The following NBEAL1 variants were observed in gnomAD, a reference collection of about 807,000 sequenced individuals.
NBEAL1 encodes the protein neurobeachin-like protein 1.
A neutral mutation model predicts 351.3 loss-of-function variants in NBEAL1; 273 were observed. The observed-to-expected ratio is 0.78, with a 90% confidence interval of 0.70 to 0.86. The LOEUF (loss-of-function observed/expected upper bound fraction) is 0.86. NBEAL1 is among the 40% of genes least tolerant of loss of function. The pLI is 0.00. For missense variants in NBEAL1, 2,961 were observed against 3,201.3 expected (o/e 0.92, Z 1.81); for synonymous variants, 1,050 against 1,086.4 (o/e 0.97, Z 0.66).
intron 46 of NBEAL1, among the ~76,000 whole-genome samples, chr2:203,193,120 C>T (rs2065142357): frequency 6.6e-6 from 1 of 151,776 alleles, no homozygotes; most frequent in South Asian, 2.1e-4. Flanking sequence ...TATAGGTGCA[C>T]ACCACTACGC....
In NBEAL1 at chr2:203,217,303, C is replaced by T. The variant is rs765425159; in HGVS notation, c.8121C>T (p.Leu2707=). The T allele has an allele frequency of 4.2e-5, 67 of 1,601,932 alleles. No homozygotes were observed. In the Middle Eastern group the frequency reaches 6.6e-4, roughly 16 times the overall value. Residue 2707 remains leucine, a synonymous_variant, in exon 56 of 56, where the codon CTC becomes CTT. Transcript: ENST00000683969. ...SRKFWGSSKR[L]SQISAGETEY... ...AATTTTGGGGATCGAGCAAGCGGCTCAGCCAGATTTCAGCTGGAGAAACTG... is the reference window on the plus strand; with the variant it reads ...AATTTTGGGGATCGAGCAAGCGGCTTAGCCAGATTTCAGCTGGAGAAACTG...
chr2:203,027,067 G>T (rs1335693511), intron 2 of NBEAL1, among the ~76,000 whole-genome samples: 2 of 152,050 alleles, frequency 1.3e-5, no homozygotes, highest in Non-Finnish European at 2.9e-5. Flanking sequence ...ATATAATTCA[G>T]TTTTTTTGTG....
chr2:203,037,480 A>T (rs1353110514), intron 2 of NBEAL1, among the ~76,000 whole-genome samples: 2 of 149,272 alleles, frequency 1.3e-5, no homozygotes, highest in Admixed American at 1.3e-4. Flanking sequence ...ACAAAGCATT[A>T]AAATGCACAG....
In NBEAL1 at chr2:203,136,604, T is replaced by C; in HGVS notation, c.4395T>C (p.Cys1465=). Residue 1465 remains cysteine (C), a synonymous_variant, in exon 29 of 56, where the codon TGT becomes TGC. Transcript: ENST00000683969. ...TTACTTTATATTTTCCATAGAGATGTGAGGAGGAGCTTCTTCAATTACTGA... is the reference window on the plus strand; with the variant it reads ...TTACTTTATATTTTCCATAGAGATGCGAGGAGGAGCTTCTTCAATTACTGA... ...DFSLLESQER[C]EEELLQLLTH... is the part of the protein sequence containing the mutation. The C allele has an allele frequency of 1.2e-6, 2 of 1,606,080 alleles. No individual in the cohort carries two copies. Among genetic ancestry groups the C allele is most frequent in the Middle Eastern group, 1.7e-4 (1 of 5,820 alleles).
chr2:203,166,339 T>C (rs538139395), intron 37 of NBEAL1, 42 bp downstream of exon 37: 12 of 1,532,708 alleles, frequency 7.8e-6, no homozygotes, highest in Non-Finnish European at 1.1e-5. Flanking sequence ...GTTCAATAAT[T>C]AAGTATCTAA....
intron 42 of NBEAL1, among the ~76,000 whole-genome samples, chr2:203,180,061 A>G (rs1325932054): frequency 6.6e-6 from 1 of 152,244 alleles, no homozygotes; most frequent in African/African-American, 2.4e-5. Flanking sequence ...GGCGTGAGCC[A>G]CTGTACCCAG....
chr2:203,187,372 T>TTG (rs1236514630), intron 44 of NBEAL1, among the ~76,000 whole-genome samples: 3 of 149,894 alleles, frequency 2.0e-5, no homozygotes, highest in Admixed American at 1.3e-4. Context: ...CAATGGTTTT[T>TTG]TTTTTTTTTT....
intron 55 of NBEAL1, among the ~76,000 whole-genome samples, chr2:203,216,948 C>A (rs566586403): frequency 2.0e-5 from 3 of 152,054 alleles, no homozygotes; most frequent in African/African-American, 7.2e-5. Context: ...GGATTACAGG[C>A]GTGCGCCACC....
At chr2:203,208,368 G>A (rs981150471) in intron 51 of NBEAL1, among the ~76,000 whole-genome samples, 1 of 152,136 alleles carries the variant, frequency 6.6e-6, no homozygotes. Context: ...ATTAAAAGGG[G>A]AAATAACATA....
chr2:203,102,612 T>C (rs2062349745), intron 12 of NBEAL1, among the ~76,000 whole-genome samples: 1 of 152,266 alleles, frequency 6.6e-6, no homozygotes, highest in Non-Finnish European at 1.5e-5. Flanking sequence ...ATCACATTTA[T>C]TAATTTGCAT....
chr2:203,131,784 G>A (rs2063078299), intron 25 of NBEAL1, among the ~76,000 whole-genome samples, 189 bp from the exon 26 acceptor site: 1 of 152,048 alleles, frequency 6.6e-6, no homozygotes, highest in South Asian at 2.1e-4. Flanking sequence ...TATTCTATAA[G>A]TTAATAGCAT....
chr2:203,135,784 C>G lies in NBEAL1; in HGVS notation c.3921C>G (p.Asn1307Lys), dbSNP rs375751670. 1 of 1,610,124 alleles carries G rather than the reference C, an allele frequency of 6.2e-7. No individual in the cohort carries two copies. Among genetic ancestry groups the G allele is most frequent in the Non-Finnish European group, 8.5e-7 (1 of 1,178,046 alleles). Reference sequence around the variant, plus strand: ...TTTTTTTAAAAGCAAAATTTGAAAACGGAAATACTCTTCATAAGCACAGTA... The same window carrying G: ...TTTTTTTAAAAGCAAAATTTGAAAAGGGAAATACTCTTCATAAGCACAGTA... ...VRLFLKAKFE[N>K]GNTLHKHSRA... The change falls in exon 28 of 56, where the codon AAC becomes AAG. Residue 1307 changes from asparagine to lysine, a missense_variant. Transcript: ENST00000683969.
At position 203,127,817 on chromosome 2, in the gene NBEAL1, T is replaced by C. The variant is rs894457802; in HGVS notation, c.3285T>C (p.Asp1095=). 2.6e-6 allele frequency: 4 copies of C among 1,522,520 alleles called. No individual in the cohort carries two copies. The African/African-American group carries it at 5.5e-5, about 21-fold the overall frequency. 94.3% of individuals were successfully genotyped at this position (1,522,520 alleles called of 1,614,324 possible). The part of the protein sequence containing the change: ...GCKYNELSLD[D]IRTIRTSLYG... ...AATATAATGAACTATCTCTAGATGA[T>C]ATTCGAACAATAAGGACTTCTTTGT... The change falls in exon 24 of 56, where the codon GAT becomes GAC. Residue 1095 remains aspartate, a synonymous_variant. Coordinates refer to ENST00000683969, the MANE Select transcript of NBEAL1 (RefSeq NM_001378026.1).
chr2:203,056,985 C>A lies in NBEAL1; in HGVS notation c.388-341C>A, dbSNP rs1427665395. On this transcript the variant is annotated intron_variant, in intron 5 of 55. Transcript: ENST00000683969. ...TATTTCAGAAATCTTGTACATATTA[C>A]CTAAATATAGACAAGTAGTTATTAT... Among the ~76,000 whole-genome samples the A allele has an allele frequency of 2.6e-5, 4 of 151,928 alleles. No individual in the cohort carries two copies. The South Asian group carries it at 8.3e-4, about 32-fold the overall frequency.
Position 203,192,834 on chromosome 2 carries a change from T to C in NBEAL1, c.6922-961T>C, listed in dbSNP as rs140927208. ...AAATGTTCATTTTACTTGCCATTTA[T>C]TTCATATTTATAGATGATACTGTTC... On this transcript the variant is annotated intron_variant, in intron 46 of 55. Transcript: ENST00000683969. Among the ~76,000 whole-genome samples the C allele has an allele frequency of 3.7e-3, 567 of 152,326 alleles. 4 individuals carry two copies. The highest frequency in any genetic ancestry group is 6.8e-3 in the Middle Eastern group (2 of 294).
intron 51 of NBEAL1, among the ~76,000 whole-genome samples, chr2:203,204,177 T>G (rs1291027478): frequency 6.6e-6 from 1 of 151,446 alleles, no homozygotes; most frequent in Non-Finnish European, 1.5e-5. Context: ...TCTGCCTGCC[T>G]TGGCCTCCCA....
chr2:203,171,995 C>T lies in NBEAL1; in HGVS notation c.6170C>T (p.Thr2057Ile). ...LIQINTMAGR[T>I]YNDLAQYPVF... The stretch of plus-strand genomic sequence containing the variant: ...CAAATAAATACAATGGCAGGACGAA[C>T]CTATAATGACCTTGCACAGTATCCT... The change falls in exon 40 of 56, where the codon ACC becomes ATC. Residue 2057 changes from threonine (T) to isoleucine (I), a missense_variant. Transcript: ENST00000683969. 3 of 1,605,520 alleles carry T rather than the reference C, an allele frequency of 1.9e-6. No homozygotes were observed. Among genetic ancestry groups the T allele is most frequent in the Non-Finnish European group, 1.7e-6 (2 of 1,176,866 alleles).
At chr2:203,156,574 A>G (rs1022499977) in intron 35 of NBEAL1, among the ~76,000 whole-genome samples, 1 of 152,250 alleles carries the variant, frequency 6.6e-6, no homozygotes, top group African/African-American at 2.4e-5. Context: ...AAACATGTTC[A>G]GTAGAAATAG....
At chr2:203,136,564 T>C (rs772873174) in intron 28 of NBEAL1, 35 bp from the exon 29 acceptor site, 3 of 1,463,510 alleles carry the variant, frequency 2.0e-6, no homozygotes, top group Non-Finnish European at 2.8e-6. Flanking sequence ...AACTACACCC[T>C]CTAGTTATTT....
Sources: gnomAD v4.1 joint callset for allele counts (sites outside exome capture counted in the v4.1 genomes callset) on GRCh38, gnomAD v4.1.1 for gene constraint, MANE v1.5 for transcripts, NCBI Gene and HGNC (gene_info 2026-07-23, HGNC 2026-07-21) for gene names.